The following CNBD1 variants were observed in gnomAD, a reference collection of about 807,000 sequenced individuals.
CNBD1 encodes the protein cyclic nucleotide binding domain containing 1.
In CNBD1, 71 loss-of-function variants were observed where a neutral mutation model predicts 54.4. The observed-to-expected ratio is 1.30, with a 90% CI of 1.08 to 1.59. CNBD1 has a LOEUF of 1.59. Ranked by LOEUF, CNBD1 falls within the 40% of genes most tolerant of loss-of-function variation. The pLI is 0.00. For missense variants in CNBD1, 659 were observed against 518.0 expected (o/e 1.27, Z -2.64); for synonymous variants, 182 against 170.7 (o/e 1.07, Z -0.51).
chr8:86,980,479 C>T (rs1041358347), intron 4 of CNBD1, among the ~76,000 whole-genome samples: 2 of 151,902 alleles, frequency 1.3e-5, no homozygotes, highest in East Asian at 1.9e-4. Context: ...AAACATATTT[C>T]GAGAAAGCAT....
intron 1 of CNBD1, among the ~76,000 whole-genome samples, chr8:86,867,041 T>A (rs922268043): frequency 3.3e-5 from 5 of 152,192 alleles, no homozygotes; most frequent in African/African-American, 1.2e-4. Context: ...TTCCTACTAT[T>A]CTGACTGTGA....
chr8:87,114,978 T>A (rs959604999), intron 4 of CNBD1, among the ~76,000 whole-genome samples: 2 of 152,158 alleles, frequency 1.3e-5, no homozygotes, highest in Admixed American at 6.5e-5. Context: ...ACCAACTCAA[T>A]AGAATGTCAT....
At chr8:86,902,363 G>A (rs558746897) in intron 2 of CNBD1, among the ~76,000 whole-genome samples, 1 of 152,128 alleles carries the variant, frequency 6.6e-6, no homozygotes, top group Admixed American at 6.6e-5. Context: ...TTACATGAGA[G>A]TACAGATCTC....
At chr8:87,164,868 G>A (rs1812929377) in intron 4 of CNBD1, among the ~76,000 whole-genome samples, 1 of 151,528 alleles carries the variant, frequency 6.6e-6, no homozygotes, top group Non-Finnish European at 1.5e-5. Flanking sequence ...TATGAAGGTA[G>A]TTTATTTATT....
chr8:86,954,185 T>A (rs901554373), intron 4 of CNBD1, among the ~76,000 whole-genome samples: 12 of 152,222 alleles, frequency 7.9e-5, no homozygotes, highest in Non-Finnish European at 1.8e-4. Context: ...ATGAAAATCT[T>A]GACAAAGAGA....
At chr8:86,867,307 G>A (rs1808379343) in intron 1 of CNBD1, among the ~76,000 whole-genome samples, 1 of 152,028 alleles carries the variant, frequency 6.6e-6, no homozygotes, top group African/African-American at 2.4e-5. Flanking sequence ...AAAAATATCT[G>A]GATAACAAAG....
downstream of CNBD1, among the ~76,000 whole-genome samples, chr8:87,385,961 A>G (rs113848101): frequency 0.012 from 1,819 of 152,252 alleles, 37 homozygotes; most frequent in African/African-American, 0.039. Context: ...CTGTTCACCA[A>G]TATCCGCTGT....
chr8:87,131,228 T>C (rs542615666), intron 4 of CNBD1, among the ~76,000 whole-genome samples: 2 of 152,296 alleles, frequency 1.3e-5, no homozygotes, highest in East Asian at 1.9e-4. Context: ...CTACTTGTTT[T>C]ATATTTTTAC....
At chr8:87,368,976 G>T (rs1352240880) in intron 10 of CNBD1, among the ~76,000 whole-genome samples, 3 of 151,848 alleles carry the variant, frequency 2.0e-5, no homozygotes, top group African/African-American at 7.3e-5. Flanking sequence ...CTATTAAGGG[G>T]TGCAACCAGG....
Position 86,907,073 on chromosome 8 carries a change from G to A in CNBD1, c.272+1879G>A, listed in dbSNP as rs184242941. Among the ~76,000 whole-genome samples, 21 of 152,308 alleles carry A rather than the reference G, an allele frequency of 1.4e-4. No individual in the cohort carries two copies. The East Asian group carries it at 3.7e-3, about 27-fold the overall frequency. ...CTTCACCATTAAATGATGGCATTGG[G>A]ACTCAGTTTCCTCTGTATCTCTGCC... On this transcript the variant is annotated intron_variant, in intron 3 of 10. Coordinates refer to ENST00000518476, the MANE Select transcript of CNBD1 (RefSeq NM_173538.3).
At chr8:87,169,172 A>G (rs958621338) in intron 4 of CNBD1, among the ~76,000 whole-genome samples, 1 of 152,072 alleles carries the variant, frequency 6.6e-6, no homozygotes, top group African/African-American at 2.4e-5. Flanking sequence ...TTCTCTGATG[A>G]TCACTGATGT....
At chr8:87,020,275 G>C (rs1346423006) in intron 4 of CNBD1, among the ~76,000 whole-genome samples, 2 of 151,702 alleles carry the variant, frequency 1.3e-5, no homozygotes, top group Non-Finnish European at 2.9e-5. Flanking sequence ...TAAACAATTG[G>C]CTATTACATC....
chr8:87,361,349 A>T (rs1240732934), intron 10 of CNBD1, among the ~76,000 whole-genome samples: 1 of 151,888 alleles, frequency 6.6e-6, no homozygotes, highest in African/African-American at 2.4e-5. Flanking sequence ...CTTTAATGAT[A>T]AATGAGCTCT....
intron 4 of CNBD1, among the ~76,000 whole-genome samples, chr8:87,121,669 C>T (rs11782365): frequency 6.6e-6 from 1 of 151,472 alleles, no homozygotes; most frequent in Non-Finnish European, 1.5e-5. Context: ...TTGTTCCCTC[C>T]CTGTACTCCC....
chr8:86,940,131 A>ATTTTTTTTTTTTTTT (rs1563830029), intron 4 of CNBD1, among the ~76,000 whole-genome samples: 1 of 26,768 alleles, frequency 3.7e-5, no homozygotes, highest in African/African-American at 1.0e-4. Flanking sequence ...ACCACATGTT[A>ATTTTTTTTTTTTTTT]CTTTTTTTTT....
At chr8:87,216,546 C>T (rs1814215684) in intron 5 of CNBD1, among the ~76,000 whole-genome samples, 1 of 152,022 alleles carries the variant, frequency 6.6e-6, no homozygotes, top group African/African-American at 2.4e-5. Context: ...ATTAGAGTAA[C>T]AGTATTTTAT....
chr8:86,879,940 A>G (rs1314264051), intron 1 of CNBD1, among the ~76,000 whole-genome samples: 1 of 152,156 alleles, frequency 6.6e-6, no homozygotes, highest in African/African-American at 2.4e-5. Context: ...CAATGAGGTC[A>G]CAGAAGTTAA....
chr8:87,225,664 G>A (rs1428237232), intron 5 of CNBD1, among the ~76,000 whole-genome samples: 2 of 152,078 alleles, frequency 1.3e-5, no homozygotes, highest in Non-Finnish European at 2.9e-5. Context: ...GAGGATTTTT[G>A]CATCAATGTT....
intron 5 of CNBD1, among the ~76,000 whole-genome samples, chr8:87,218,059 C>T (rs1814251506): frequency 6.6e-6 from 1 of 152,050 alleles, no homozygotes; most frequent in Admixed American, 6.6e-5. Flanking sequence ...AGCTCTTCCA[C>T]CCGAATACCT....
Sources: allele counts gnomAD v4.1 joint callset (sites outside exome capture counted in the v4.1 genomes callset), GRCh38; gene constraint gnomAD v4.1.1; transcripts MANE v1.5; gene names NCBI Gene and HGNC (gene_info 2026-07-23, HGNC 2026-07-21).